The following RPS6KA2 variants were observed in gnomAD, a reference collection of about 807,000 sequenced individuals.
RPS6KA2 encodes the protein ribosomal protein S6 kinase alpha-2.
Under a neutral mutation model 91.8 loss-of-function variants are expected in RPS6KA2, and 42 were observed. The ratio of observed to expected loss-of-function variants is 0.46; its 90% confidence interval spans 0.36 to 0.59. The LOEUF is 0.59. Ranked by LOEUF, RPS6KA2 falls within the 20% of genes least tolerant of loss-of-function variation. RPS6KA2 has a pLI of 0.00. For synonymous variants in RPS6KA2, 414 were observed against 393.6 expected (o/e 1.05, Z -0.61); for missense variants, 798 against 978.5 (o/e 0.82, Z 2.46).
Position 166,488,836 on chromosome 6 carries a change from G to A in RPS6KA2, c.904C>T (p.Leu302=). ...ALFKRNPCNR[L]GAGIDGVEEI... ...GGGGTGTCCCGGGGAATCTTACCCAGCCGGTTGCAGGGGTTCCGTTTGAAG... is the reference window on the plus strand; with the variant it reads ...GGGGTGTCCCGGGGAATCTTACCCAACCGGTTGCAGGGGTTCCGTTTGAAG... The change falls in exon 10 of 21, where the codon CTG becomes TTG. Residue 302 remains leucine, a synonymous_variant. Coordinates refer to ENST00000265678, the MANE Select transcript of RPS6KA2 (RefSeq NM_021135.6). The A allele has an allele frequency of 6.2e-7, 1 of 1,611,906 alleles. No homozygotes were observed.
At chr6:166,532,155 G>A (rs1288423890) in intron 2 of RPS6KA2, among the ~76,000 whole-genome samples, 3 of 152,174 alleles carry the variant, frequency 2.0e-5, no homozygotes, top group Non-Finnish European at 4.4e-5. Flanking sequence ...TTCCCAAAAC[G>A]TCTCCTTTAC....
intron 5 of RPS6KA2, among the ~76,000 whole-genome samples, chr6:166,506,931 C>T (rs965138686): frequency 6.6e-6 from 1 of 152,164 alleles, no homozygotes; most frequent in Non-Finnish European, 1.5e-5. Context: ...CTTTTGCCAT[C>T]CCATGAAGCG....
chr6:166,571,869 A>AT (rs1161003885), intron 1 of RPS6KA2, among the ~76,000 whole-genome samples: 2 of 152,278 alleles, frequency 1.3e-5, no homozygotes, highest in Admixed American at 1.3e-4. Context: ...CCTTTTTAGA[A>AT]TTTTTGGAAA....
chr6:166,860,740 T>C (rs1562475781), intron 1 of RPS6KA2, among the ~76,000 whole-genome samples: 2 of 152,182 alleles, frequency 1.3e-5, no homozygotes, highest in Admixed American at 6.5e-5. Context: ...GAAGCACTAG[T>C]AAATGAGAAA....
intron 11 of RPS6KA2, chr6:166,462,985 C>A (rs1406576031): frequency 6.6e-6 from 1 of 152,320 alleles, no homozygotes; most frequent in Non-Finnish European, 1.5e-5. Context: ...CCATGCCCCA[C>A]CTGCTGGAGG....
intron 2 of RPS6KA2, among the ~76,000 whole-genome samples, chr6:166,840,502 C>T (rs1160907751): frequency 6.6e-6 from 1 of 152,144 alleles, no homozygotes; most frequent in Admixed American, 6.5e-5. Context: ...CTTTACAACC[C>T]TCTAGGAAAA....
At chr6:166,453,722 T>TC (rs1779993296) in intron 12 of RPS6KA2, among the ~76,000 whole-genome samples, 1 of 152,176 alleles carries the variant, frequency 6.6e-6, no homozygotes, top group African/African-American at 2.4e-5. Context: ...GGAAAAGAAA[T>TC]CGTTGTCTCA....
intron 1 of RPS6KA2, among the ~76,000 whole-genome samples, chr6:166,565,678 A>C (rs1784478810): frequency 3.3e-5 from 5 of 152,318 alleles, no homozygotes; most frequent in Admixed American, 6.5e-5. Context: ...GGGGCCAGTG[A>C]GCTAGCTGTT....
At position 166,490,301 on chromosome 6, in the gene RPS6KA2, C is replaced by A. The variant is rs1301634809; in HGVS notation, c.818+370G>T. On this transcript the variant is annotated intron_variant, in intron 9 of 20. Transcript: ENST00000265678. This position sits in a 1 kb window ranked among gnomAD's most constrained non-coding sequence, Gnocchi z 4.2. Reference sequence around the variant, plus strand: ...AGGCCTTGTGTCTTTTTCCGTCTATCCTTTACTTCTGGGAGGTCACCAACC... The same window carrying A: ...AGGCCTTGTGTCTTTTTCCGTCTATACTTTACTTCTGGGAGGTCACCAACC... Among the ~76,000 whole-genome samples, 1 of 152,088 alleles carries A rather than the reference C, an allele frequency of 6.6e-6. No homozygotes were observed. Among genetic ancestry groups the A allele is most frequent in the African/African-American group, 2.4e-5 (1 of 41,406 alleles).
rs1782008916 is a variant in RPS6KA2, at chr6:166,501,026, G to A, written c.567-102C>T. The A allele has an allele frequency of 7.6e-6, 8 of 1,054,832 alleles. 1 individual carries two copies. Among genetic ancestry groups the A allele is most frequent in the South Asian group, 5.5e-5 (4 of 73,052 alleles). The allele number at this position is 1,054,832 out of a possible 1,614,324, so 65.3% of individuals were successfully genotyped here. Reference sequence around the variant, plus strand: ...AGCTGCGGGGCAGCTGGGGGCGGACGTTTTCAGGGAGCCCTGATGGAGCTG... The same window carrying A: ...AGCTGCGGGGCAGCTGGGGGCGGACATTTTCAGGGAGCCCTGATGGAGCTG... On this transcript the variant is annotated intron_variant, in intron 6 of 20. Coordinates refer to ENST00000265678, the MANE Select transcript of RPS6KA2 (RefSeq NM_021135.6).
chr6:166,842,097 G>C (rs555888651), intron 2 of RPS6KA2, among the ~76,000 whole-genome samples: 1 of 152,116 alleles, frequency 6.6e-6, no homozygotes, highest in African/African-American at 2.4e-5. Context: ...GCAACTCATC[G>C]ATTTTGGCTC....
chr6:166,549,189 T>A (rs1783920653), intron 1 of RPS6KA2, among the ~76,000 whole-genome samples: 1 of 152,248 alleles, frequency 6.6e-6, no homozygotes, highest in African/African-American at 2.4e-5. Context: ...TCGGTGAGGA[T>A]GCAGAGAAAC....
intron 1 of RPS6KA2, among the ~76,000 whole-genome samples, chr6:166,595,854 G>A (rs1562330998): frequency 6.6e-6 from 1 of 152,220 alleles, no homozygotes; most frequent in Non-Finnish European, 1.5e-5. Context: ...AAGGAATGGG[G>A]TTCCCTCATC....
intron 1 of RPS6KA2, among the ~76,000 whole-genome samples, chr6:166,616,055 G>A (rs1352764346): frequency 6.6e-6 from 1 of 152,036 alleles, no homozygotes; most frequent in Non-Finnish European, 1.5e-5. Context: ...GCCGTACCCT[G>A]CCACCCACTG....
At chr6:166,716,035 C>CAAAAAA (rs141709524) in intron 2 of RPS6KA2, among the ~76,000 whole-genome samples, 2 of 89,778 alleles carry the variant, frequency 2.2e-5, no homozygotes, top group African/African-American at 1.1e-4. Context: ...GAGACTCCAT[C>CAAAAAA]AAAAAAAAAA....
intron 2 of RPS6KA2, among the ~76,000 whole-genome samples, chr6:166,851,043 T>C (rs186694032): frequency 1.3e-5 from 2 of 152,352 alleles, no homozygotes; most frequent in East Asian, 3.9e-4. Context: ...CACTCATTAG[T>C]TCTCTGCTAT....
chr6:166,517,568 C>T (rs566906313), intron 3 of RPS6KA2, among the ~76,000 whole-genome samples: 39 of 147,646 alleles, frequency 2.6e-4, no homozygotes, highest in Admixed American at 6.8e-4. Context: ...CTCCTCTTCC[C>T]GGGTTCACGC....
chr6:166,568,533 G>A lies in RPS6KA2; in HGVS notation c.100-29749C>T, dbSNP rs189772353. On this transcript the variant is annotated intron_variant, in intron 1 of 20. Coordinates refer to ENST00000265678, the MANE Select transcript of RPS6KA2 (RefSeq NM_021135.6). ...TCAGGAGGCTTGAGGCAGGAGAATTGCTTGAACCTGGGAGGCAGAGGTTGC... is the reference window on the plus strand; with the variant it reads ...TCAGGAGGCTTGAGGCAGGAGAATTACTTGAACCTGGGAGGCAGAGGTTGC... Among the ~76,000 whole-genome samples, 4 of 145,244 alleles carry A rather than the reference G, an allele frequency of 2.8e-5. No individual in the cohort carries two copies. The East Asian group carries it at 8.5e-4, about 31-fold the overall frequency.
intron 1 of RPS6KA2, among the ~76,000 whole-genome samples, chr6:166,556,412 A>T (rs1041266606): frequency 6.6e-6 from 1 of 152,210 alleles, no homozygotes; most frequent in African/African-American, 2.4e-5. Context: ...GGTCATTCCC[A>T]TAGCCACTGA....
Sources: gnomAD v4.1 joint callset for allele counts (sites outside exome capture counted in the v4.1 genomes callset) on GRCh38, gnomAD v4.1.1 for gene constraint, Gnocchi (gnomAD v3.1) non-coding constraint, MANE v1.5 for transcripts, NCBI Gene and HGNC (gene_info 2026-07-23, HGNC 2026-07-21) for gene names.